The following WDR45B variants were observed in gnomAD, a reference collection of about 807,000 sequenced individuals.
WDR45B encodes the protein WD repeat domain 45B.
In WDR45B, 20 loss-of-function variants were observed where a neutral mutation model predicts 44.6. The observed-to-expected ratio is 0.45, with a 90% CI of 0.32 to 0.65. The LOEUF (loss-of-function observed/expected upper bound fraction) is 0.65, where lower values mean the gene tolerates loss of function less well. WDR45B is among the 30% of genes least tolerant of loss of function. WDR45B has a pLI of 0.05. For missense variants in WDR45B, 323 were observed against 430.2 expected (o/e 0.75, Z 2.20); for synonymous variants, 169 against 164.9 (o/e 1.02, Z -0.19).
intron 2 of WDR45B, among the ~76,000 whole-genome samples, chr17:82,633,334 T>C (rs535767800): frequency 6.6e-6 from 1 of 152,276 alleles, no homozygotes; most frequent in Non-Finnish European, 1.5e-5. Flanking sequence ...TGAAGGACTT[T>C]TACAACTCAA....
intron 6 of WDR45B, among the ~76,000 whole-genome samples, chr17:82,620,325 C>A (rs923091471): frequency 1.3e-5 from 2 of 152,084 alleles, no homozygotes; most frequent in African/African-American, 4.8e-5. Context: ...CCCAGCTACT[C>A]GGGAGGTGGA....
intron 2 of WDR45B, among the ~76,000 whole-genome samples, chr17:82,637,145 T>C (rs887430733): frequency 2.0e-5 from 3 of 152,064 alleles, no homozygotes; most frequent in Non-Finnish European, 4.4e-5. Context: ...TGAGCATTTA[T>C]TTATTCCTGG....
intron 6 of WDR45B, among the ~76,000 whole-genome samples, chr17:82,619,914 G>A (rs1464422151): frequency 6.6e-6 from 1 of 152,142 alleles, no homozygotes; most frequent in African/African-American, 2.4e-5. Context: ...CCATCTACCT[G>A]GCTAACCCGG....
At chr17:82,616,414 C>A (rs1262595733) in intron 9 of WDR45B, 110 bp downstream of exon 9, 1 of 1,564,682 alleles carries the variant, frequency 6.4e-7, no homozygotes, top group African/African-American at 1.4e-5. Flanking sequence ...GGGCGGCCAT[C>A]GGTGCCACAG....
chr17:82,644,307 G>A (rs1381964093), intron 1 of WDR45B: 14 of 481,836 alleles, frequency 2.9e-5, no homozygotes, highest in Non-Finnish European at 4.2e-5. Context: ...CAGGCTTGGA[G>A]GACGATCAGT....
At chr17:82,616,710 T>C in intron 8 of WDR45B, 65 bp from the exon 9 acceptor site, 4 of 1,604,782 alleles carry the variant, frequency 2.5e-6, no homozygotes, top group Non-Finnish European at 3.4e-6. Flanking sequence ...CTGCGTAAGC[T>C]CAGAATACGC....
chr17:82,640,693 T>C (rs964063059), intron 2 of WDR45B, among the ~76,000 whole-genome samples: 1 of 152,134 alleles, frequency 6.6e-6, no homozygotes, highest in African/African-American at 2.4e-5. Flanking sequence ...AGTCTGTAAG[T>C]GCAGAGCCAA....
chr17:82,625,405 G>A lies in WDR45B; in HGVS notation c.411C>T (p.Thr137=). 1.2e-6 allele frequency: 2 copies of A among 1,614,180 alleles called. No homozygotes were observed. The highest frequency in any genetic ancestry group is 1.6e-4 in the Middle Eastern group (1 of 6,062). The change falls in exon 5 of 10, where the codon ACC becomes ACT. Residue 137 remains threonine (T), a synonymous_variant. Transcript: ENST00000392325. ...ATCTCTCACCTTTGGGGTTATAGCAGGTTTCGAAGACGTGCAACTGATGGG... is the reference window on the plus strand; with the variant it reads ...ATCTCTCACCTTTGGGGTTATAGCAAGTTTCGAAGACGTGCAACTGATGGG... ...HNPHQLHVFE[T]CYNPKGLCVL...
Position 82,615,686 on chromosome 17 carries a change from G to C in WDR45B, c.*233C>G. 1.8e-6 allele frequency: 1 copy of C among 554,536 alleles called. No homozygotes were observed. The allele number at this position is 554,536 out of a possible 1,614,324, so 34.4% of individuals were successfully genotyped here. A position where few individuals can be genotyped will look rare whatever the true frequency, so the allele number is the denominator to read the frequency against. ...GAACTCATGGGAACAGCCAGTGGCC[G>C]CCAGTCGAGCTGGTCACAGCCACTG... is the stretch of plus-strand genomic sequence containing the variant. On this transcript the variant is annotated 3_prime_UTR_variant, in exon 10 of 10. Transcript: ENST00000392325.
rs148735094 is a variant in WDR45B at position 82,621,706 on chromosome 17, G to A, written c.521C>T (p.Thr174Met). 87 of 1,614,030 alleles carry A rather than the reference G, an allele frequency of 5.4e-5. No individual in the cohort carries two copies. The highest frequency in any genetic ancestry group is 6.9e-5 in the Non-Finnish European group (82 of 1,180,038). The change falls in exon 6 of 10, where the codon ACG becomes ATG. Residue 174 changes from threonine (T) to methionine (M), a missense_variant. Physicochemically the swap from Thr to Met is moderately conservative, Grantham distance 81 (BLOSUM62 -1). Coordinates refer to ENST00000392325, the MANE Select transcript of WDR45B (RefSeq NM_019613.4). ...GHVQLVDLAS[T>M]EKPPVDIPAH... is the part of the protein sequence containing the mutation. Reference sequence around the variant, plus strand: ...AGGAATGTCCACGGGTGGCTTCTCCGTGCTGGCCAGGTCCACAAGCTGCAC... The same window carrying A: ...AGGAATGTCCACGGGTGGCTTCTCCATGCTGGCCAGGTCCACAAGCTGCAC...
intron 3 of WDR45B, among the ~76,000 whole-genome samples, chr17:82,630,433 A>G (rs924029162): frequency 1.3e-5 from 2 of 152,048 alleles, no homozygotes; most frequent in African/African-American, 4.8e-5. Flanking sequence ...CAGGAAAGCT[A>G]TCTACTCCTC....
Position 82,646,630 on chromosome 17 carries a change from G to A in WDR45B, c.67+1644C>T, listed in dbSNP as rs555542264. On this transcript the variant is annotated intron_variant, in intron 1 of 9. Coordinates refer to ENST00000392325, the MANE Select transcript of WDR45B (RefSeq NM_019613.4). The stretch of plus-strand genomic sequence containing the variant: ...GGGAGCATTTATTGGAATCAAGCGT[G>A]GCCAGGTATATTCAATTTCTTAATT... 1.6e-4 allele frequency among the ~76,000 whole-genome samples: 25 copies of A among 152,188 alleles called. 1 individual carries two copies. The highest frequency in any genetic ancestry group is 5.5e-4 in the African/African-American group (23 of 41,514).
Position 82,614,850 on chromosome 17 carries a change from G to A in WDR45B, c.*1069C>T, listed in dbSNP as rs1165282942. On this transcript the variant is annotated 3_prime_UTR_variant, in exon 10 of 10. Transcript: ENST00000392325. Reference sequence around the variant, plus strand: ...TAAGAAAATTAAATATATATCCCAAGTAGCTGACAATGTAGAGCCCATAAC... The same window carrying A: ...TAAGAAAATTAAATATATATCCCAAATAGCTGACAATGTAGAGCCCATAAC... 1 of 152,140 alleles carries A rather than the reference G, an allele frequency of 6.6e-6. No homozygotes were observed. Among genetic ancestry groups the A allele is most frequent in the African/African-American group, 2.4e-5 (1 of 41,420 alleles). 9.4% of individuals were successfully genotyped at this position (152,140 alleles called of 1,614,324 possible). A position where few individuals can be genotyped will look rare whatever the true frequency, so the allele number is the denominator to read the frequency against.
chr17:82,645,989 C>G (rs561698782), intron 1 of WDR45B, among the ~76,000 whole-genome samples: 2 of 151,886 alleles, frequency 1.3e-5, no homozygotes, highest in Non-Finnish European at 1.5e-5. Flanking sequence ...GGAGCGGTGG[C>G]GGGCACCTGT....
rs2045579381 is a variant in WDR45B at position 82,619,134 on chromosome 17, A to G, written c.619-6T>C. 6.2e-7 allele frequency: 1 copy of G among 1,613,330 alleles called. No individual in the cohort carries two copies. The highest frequency in any genetic ancestry group is 1.3e-5 in the African/African-American group (1 of 74,940). ...AATATTCTTATAAGCGTCCCCTTTG[A>G]AAAACAGTGAAGTGTTTCATTATCA... On this transcript the variant is annotated splice_region_variant and splice_polypyrimidine_tract_variant and intron_variant, in intron 6 of 9. Coordinates refer to ENST00000392325, the MANE Select transcript of WDR45B (RefSeq NM_019613.4).
chr17:82,617,013 C>T (rs574744878), intron 8 of WDR45B, among the ~76,000 whole-genome samples: 62 of 152,252 alleles, frequency 4.1e-4, no homozygotes, highest in Admixed American at 2.6e-3. Context: ...GATGGGGTTT[C>T]ACCATGTTAG....
At chr17:82,624,832 A>G (rs920402254) in intron 5 of WDR45B, among the ~76,000 whole-genome samples, 1 of 149,562 alleles carries the variant, frequency 6.7e-6, no homozygotes, top group Admixed American at 6.7e-5. Context: ...GTTAGCCAGG[A>G]TGGTCTTAAT....
At chr17:82,631,344 C>T (rs940383604) in intron 2 of WDR45B, among the ~76,000 whole-genome samples, 4 of 141,346 alleles carry the variant, frequency 2.8e-5, no homozygotes, top group Non-Finnish European at 6.0e-5. Flanking sequence ...AGTGCAGTCG[C>T]GCGATCTCGG....
rs371544827 is a variant in WDR45B at position 82,634,192 on chromosome 17, CAA to C, written c.143-3172_143-3171del. Among the ~76,000 whole-genome samples the C allele has an allele frequency of 9.4e-3, 995 of 105,930 alleles. 3 individuals are homozygous for C. The highest frequency in any genetic ancestry group is 0.035 in the South Asian group (102 of 2,914). The allele number at this position is 105,930 out of a possible 152,430, so 69.5% of individuals were successfully genotyped here. Reference sequence around the variant, plus strand: ...AAAAAAAAGGCTGATTTTTATAAATCAAAAAGTTACCAAATGACCAGATGCAG... The same window carrying C: ...AAAAAAAAGGCTGATTTTTATAAATCAAAGTTACCAAATGACCAGATGCAG... On this transcript the variant is annotated intron_variant, in intron 2 of 9. Coordinates refer to ENST00000392325, the MANE Select transcript of WDR45B (RefSeq NM_019613.4).
Sources: gnomAD v4.1 joint callset for allele counts (sites outside exome capture counted in the v4.1 genomes callset) on GRCh38, gnomAD v4.1.1 for gene constraint, MANE v1.5 for transcripts, NCBI Gene and HGNC (gene_info 2026-07-23, HGNC 2026-07-21) for gene names.